FCRL2: variants seen among roughly 807,000 people sequenced by gnomAD.
FCRL2 encodes Fc receptor-like protein 2.
FCRL2 carries 48 observed loss-of-function variants against 59.8 expected under a neutral mutation model. That is an observed-to-expected ratio of 0.80 (90% CI 0.64 to 1.02). FCRL2 has a LOEUF of 1.02. Among genes scored for constraint, FCRL2 ranks in the 50% least tolerant of loss-of-function variants. The probability of loss-of-function intolerance (pLI) is 0.00; values close to 1 mark genes in which losing one functional copy is unlikely to be tolerated. For synonymous variants in FCRL2, 251 were observed against 229.5 expected (o/e 1.09, Z -0.85); for missense variants, 658 against 597.3 (o/e 1.10, Z -1.06).
Position 157,746,523 on chromosome 1 carries a change from G to A in FCRL2, c.*213C>T. 1.7e-6 allele frequency: 1 copy of A among 593,970 alleles called. No homozygotes were observed. Among genetic ancestry groups the A allele is most frequent in the South Asian group, 2.1e-5 (1 of 48,592 alleles). 36.8% of individuals were successfully genotyped at this position (593,970 alleles called of 1,614,324 possible). ...AGCAGAAATAATTTATTTGCACAGT[G>A]TCTGGATGTAGCAGCAGTTCAATGA... On this transcript the variant is annotated 3_prime_UTR_variant, in exon 12 of 12. Coordinates refer to ENST00000361516, the MANE Select transcript of FCRL2 (RefSeq NM_030764.4).
At chr1:157,775,243 G>A (rs1379646516) in intron 2 of FCRL2, among the ~76,000 whole-genome samples, 2 of 152,166 alleles carry the variant, frequency 1.3e-5, no homozygotes, top group Admixed American at 1.3e-4. Context: ...ATGGCATTGA[G>A]TAGTTACGGC....
Position 157,746,593 on chromosome 1 carries a change from G to C in FCRL2, c.*143C>G. On this transcript the variant is annotated 3_prime_UTR_variant, in exon 12 of 12. Coordinates refer to ENST00000361516, the MANE Select transcript of FCRL2 (RefSeq NM_030764.4). The stretch of plus-strand genomic sequence containing the variant: ...GATATTGGAGAAGAAACATCATCAG[G>C]ACAAAAATGACAGGAGGTGCCTCCT... 1.5e-6 allele frequency: 1 copy of C among 688,580 alleles called. No individual in the cohort carries two copies. The highest frequency in any genetic ancestry group is 2.5e-6 in the Non-Finnish European group (1 of 395,324). The allele number at this position is 688,580 out of a possible 1,614,324, so 42.7% of individuals were successfully genotyped here.
At chr1:157,746,957 C>A (rs1647794806) in intron 10 of FCRL2, 58 bp from the exon 11 acceptor site, 4 of 1,560,190 alleles carry the variant, frequency 2.6e-6, no homozygotes, top group Non-Finnish European at 3.5e-6. Context: ...GCCTCACTCC[C>A]AGACTTTATG....
intron 7 of FCRL2, among the ~76,000 whole-genome samples, chr1:157,764,176 C>G (rs996249084): frequency 6.6e-6 from 1 of 151,906 alleles, no homozygotes; most frequent in Admixed American, 6.6e-5. Context: ...CGCACTCCAG[C>G]CTGGCGACAG....
At chr1:157,756,689 A>T (rs1375912607) in intron 7 of FCRL2, among the ~76,000 whole-genome samples, 1 of 151,680 alleles carries the variant, frequency 6.6e-6, no homozygotes. Flanking sequence ...GAAAAAAAAA[A>T]AAAAAAGGTT....
At chr1:157,760,713 A>AAGAAAGAG in intron 7 of FCRL2, among the ~76,000 whole-genome samples, 3 of 145,678 alleles carry the variant, frequency 2.1e-5, no homozygotes, top group African/African-American at 7.7e-5. Context: ...GAAAGAAAGA[A>AAGAAAGAG]AGAAAGAAAG....
At chr1:157,757,256 A>G (rs1648664015) in intron 7 of FCRL2, among the ~76,000 whole-genome samples, 1 of 152,160 alleles carries the variant, frequency 6.6e-6, no homozygotes, top group South Asian at 2.1e-4. Context: ...GTCCTGCCCA[A>G]ACTCCATATA....
Position 157,768,468 on chromosome 1 carries a change from C to A in FCRL2, c.829G>T (p.Ala277Ser). 6.2e-7 allele frequency: 1 copy of A among 1,614,232 alleles called. No individual in the cohort carries two copies. The highest frequency in any genetic ancestry group is 8.5e-7 in the Non-Finnish European group (1 of 1,180,042). The part of the protein sequence containing the change: ...ESDAGKYYCR[A>S]DNGHVPIQSK... ...TGGATAGGCACATGGCCGTTGTCAG[C>A]TCTACAGTAATATTTGCCGGCATCA... The change falls in exon 5 of 12, where the codon GCT (alanine) becomes TCT (serine). Residue 277 changes from alanine (A) to serine (S), a missense_variant. By Grantham distance (99) the Ala-to-Ser change is moderately conservative. Coordinates refer to ENST00000361516, the MANE Select transcript of FCRL2 (RefSeq NM_030764.4).
chr1:157,753,352 A>C (rs780334382), intron 7 of FCRL2, among the ~76,000 whole-genome samples: 1 of 152,248 alleles, frequency 6.6e-6, no homozygotes, highest in Non-Finnish European at 1.5e-5. Context: ...AAATGGCTAT[A>C]AACTGGGGAT....
intron 7 of FCRL2, among the ~76,000 whole-genome samples, chr1:157,766,344 G>A (rs974249300): frequency 3.9e-5 from 6 of 152,016 alleles, no homozygotes; most frequent in Admixed American, 3.3e-4. Context: ...GGTGGCGGGC[G>A]CCTGTAGTCC....
intron 7 of FCRL2, 75 bp from the exon 8 acceptor site, chr1:157,749,752 A>G: frequency 9.0e-7 from 1 of 1,107,456 alleles, no homozygotes; most frequent in Non-Finnish European, 1.4e-6. Context: ...TGATTTAACT[A>G]CGTATAATCA....
chr1:157,752,853 T>G (rs1648305006), intron 7 of FCRL2, among the ~76,000 whole-genome samples: 1 of 152,176 alleles, frequency 6.6e-6, no homozygotes, highest in Admixed American at 6.5e-5. Flanking sequence ...AATCTCAAAA[T>G]TTAAGAGAAT....
intron 7 of FCRL2, among the ~76,000 whole-genome samples, chr1:157,760,059 T>A (rs1436602132): frequency 1.3e-5 from 2 of 152,138 alleles, no homozygotes; most frequent in African/African-American, 4.8e-5. Context: ...CCATCAACAG[T>A]ATACCAGATA....
intron 7 of FCRL2, among the ~76,000 whole-genome samples, chr1:157,762,287 A>G (rs1375093674): frequency 1.3e-5 from 2 of 152,156 alleles, no homozygotes; most frequent in Non-Finnish European, 2.9e-5. Flanking sequence ...ACCAGTATCC[A>G]TTGTTTGGGA....
intron 2 of FCRL2, among the ~76,000 whole-genome samples, chr1:157,772,485 A>G (rs1364800591): frequency 6.6e-6 from 1 of 152,198 alleles, no homozygotes; most frequent in Non-Finnish European, 1.5e-5. Context: ...GCCGGCTTGC[A>G]GCTCTGAGAG....
intron 8 of FCRL2, 28 bp from the exon 9 acceptor site, chr1:157,748,988 T>G: frequency 6.3e-7 from 1 of 1,591,990 alleles, no homozygotes; most frequent in Non-Finnish European, 8.6e-7. Context: ...AATTGTATGA[T>G]AATCCCCAGG....
Position 157,746,890 on chromosome 1 carries a change from C to T in FCRL2, c.1469G>A (p.Arg490Lys). The change falls in exon 11 of 12, where the codon AGG (arginine) becomes AAG (lysine). Residue 490 changes from arginine to lysine, a missense_variant. Coordinates refer to ENST00000361516, the MANE Select transcript of FCRL2 (RefSeq NM_030764.4). ...MQQPESSANI[R>K]TLLENKDSQV... The stretch of plus-strand genomic sequence containing the variant: ...GCTCACCTTGTTCTCCAGAAGTGTC[C>T]TGATGTTTGCTGTTAAGGAAAAAGT... 2 of 1,613,716 alleles carry T rather than the reference C, an allele frequency of 1.2e-6. No homozygotes were observed. Among genetic ancestry groups the T allele is most frequent in the Non-Finnish European group, 1.7e-6 (2 of 1,179,990 alleles).
At position 157,746,886 on chromosome 1, in the gene FCRL2, T is replaced by G; in HGVS notation, c.1473A>C (p.Thr491=). Residue 491 remains threonine, a synonymous_variant, in exon 11 of 12, where the codon ACA becomes ACC. Transcript: ENST00000361516. ...QQPESSANIR[T]LLENKDSQVI... ...TCTAGCTCACCTTGTTCTCCAGAAG[T>G]GTCCTGATGTTTGCTGTTAAGGAAA... 1.2e-6 allele frequency: 2 copies of G among 1,613,920 alleles called. No individual in the cohort carries two copies. The highest frequency in any genetic ancestry group is 1.7e-6 in the Non-Finnish European group (2 of 1,180,006).
intron 3 of FCRL2, 116 bp downstream of exon 3, chr1:157,770,293 C>T: frequency 6.9e-7 from 1 of 1,453,644 alleles, no homozygotes; most frequent in Non-Finnish European, 9.4e-7. Context: ...GATGATCAAA[C>T]CACAAGCACT....
Sources: gnomAD v4.1 joint callset for allele counts (sites outside exome capture counted in the v4.1 genomes callset) on GRCh38, gnomAD v4.1.1 for gene constraint, MANE v1.5 for transcripts, NCBI Gene and HGNC (gene_info 2026-07-23, HGNC 2026-07-21) for gene names.